The following MAP3K8 variants were observed in gnomAD, a reference collection of about 807,000 sequenced individuals.
MAP3K8 encodes the protein Ewing sarcoma transformant.
In MAP3K8, 22 loss-of-function variants were observed where a neutral mutation model predicts 45.8. The ratio of observed to expected loss-of-function variants is 0.48; its 90% CI spans 0.34 to 0.69. MAP3K8 has a LOEUF of 0.69. Ranked by LOEUF, MAP3K8 falls within the 30% of genes least tolerant of loss-of-function variation. The pLI, the probability that MAP3K8 is intolerant of heterozygous loss-of-function variation, is 0.01. For missense variants in MAP3K8, 419 were observed against 585.0 expected (o/e 0.72, Z 2.93); for synonymous variants, 223 against 214.3 (o/e 1.04, Z -0.36).
rs547632553 is a variant in MAP3K8 at position 30,458,271 on chromosome 10, G to GGC, written c.1026+36_1026+37insCG. 9.8e-5 allele frequency: 134 copies of GGC among 1,367,062 alleles called. 17 individuals carry two copies. The highest frequency in any genetic ancestry group is 3.8e-4 in the East Asian group (14 of 36,536). 84.7% of individuals were successfully genotyped at this position (1,367,062 alleles called of 1,614,324 possible). ...GTTCAACCAGGGCTGGGGGCGGCGG[G>GGC]GGGGGGCGTTGAGTTATGCATCCCG... On this transcript the variant is annotated intron_variant, in intron 7 of 8. Transcript: ENST00000263056.
chr10:30,438,248 A>G (rs939026786), intron 2 of MAP3K8, among the ~76,000 whole-genome samples: 3 of 152,200 alleles, frequency 2.0e-5, no homozygotes, highest in African/African-American at 4.8e-5. Flanking sequence ...GGTTAAATGT[A>G]TCATCATCTT....
At chr10:30,434,607 C>T in intron 1 of MAP3K8, 1 of 985,946 alleles carries the variant, frequency 1.0e-6, no homozygotes, top group Non-Finnish European at 1.2e-6. Context: ...CGCGACTCCT[C>T]CCCCTTCCTC....
At chr10:30,458,035 C>A (rs774835753) in intron 6 of MAP3K8, 49 bp from the exon 7 acceptor site, 2 of 1,387,640 alleles carry the variant, frequency 1.4e-6, no homozygotes, top group South Asian at 1.8e-5. Flanking sequence ...AAATGGAAAC[C>A]CACACAAAGG....
chr10:30,450,552 C>T, intron 5 of MAP3K8, 33 bp downstream of exon 5: 1 of 1,605,044 alleles, frequency 6.2e-7, no homozygotes. Context: ...CTTTTTGGCT[C>T]AAAGAGACTA....
chr10:30,446,758 C>G (rs1199422534), intron 3 of MAP3K8, among the ~76,000 whole-genome samples: 1 of 151,782 alleles, frequency 6.6e-6, no homozygotes, highest in East Asian at 1.9e-4. Flanking sequence ...TAATTTTTTC[C>G]TCTTTAAAAA....
intron 3 of MAP3K8, among the ~76,000 whole-genome samples, chr10:30,444,455 C>A (rs1264381384): frequency 2.0e-5 from 3 of 152,066 alleles, no homozygotes; most frequent in South Asian, 2.1e-4. Context: ...AAGAACGAAA[C>A]TCCATCACAA....
chr10:30,456,094 A>C (rs1254863940), intron 6 of MAP3K8, among the ~76,000 whole-genome samples: 1 of 152,202 alleles, frequency 6.6e-6, no homozygotes, highest in Non-Finnish European at 1.5e-5. Context: ...ACTCCGCCCA[A>C]TCCTTGCTTT....
intron 3 of MAP3K8, among the ~76,000 whole-genome samples, chr10:30,446,859 AT>A (rs1332365522): frequency 2.0e-5 from 3 of 152,138 alleles, no homozygotes; most frequent in Non-Finnish European, 4.4e-5. Context: ...TGAAACCCAC[AT>A]TGCTGTCAGA....
chr10:30,449,912 C>T (rs1350961863), intron 4 of MAP3K8, among the ~76,000 whole-genome samples: 1 of 152,180 alleles, frequency 6.6e-6, no homozygotes, highest in Admixed American at 6.5e-5. Flanking sequence ...ACAACCTAAA[C>T]TCAAGGTACC....
At chr10:30,459,535 T>A (rs772230434) in intron 8 of MAP3K8, 34 bp downstream of exon 8, 9 of 1,608,952 alleles carry the variant, frequency 5.6e-6, no homozygotes, top group Non-Finnish European at 5.9e-6. Flanking sequence ...GCACACTTAC[T>A]TCCCTTCTCT....
chr10:30,453,364 G>C (rs1434264722), intron 6 of MAP3K8, among the ~76,000 whole-genome samples: 1 of 151,846 alleles, frequency 6.6e-6, no homozygotes, highest in African/African-American at 2.4e-5. Context: ...TTGAGCCTAG[G>C]AATTCTATAA....
At chr10:30,435,655 C>T (rs8176958) in intron 1 of MAP3K8, among the ~76,000 whole-genome samples, 77 of 152,260 alleles carry the variant, frequency 5.1e-4, no homozygotes, top group African/African-American at 1.7e-3. Flanking sequence ...CGGGTTCAAG[C>T]GATTCTCTTG....
At chr10:30,446,730 T>C (rs1836354382) in intron 3 of MAP3K8, among the ~76,000 whole-genome samples, 1 of 152,062 alleles carries the variant, frequency 6.6e-6, no homozygotes, top group East Asian at 1.9e-4. Context: ...TTGTTTTAAT[T>C]TTAATTATTT....
intron 1 of MAP3K8, among the ~76,000 whole-genome samples, chr10:30,436,624 T>C (rs958838278): frequency 2.0e-5 from 3 of 151,050 alleles, no homozygotes; most frequent in Non-Finnish European, 2.9e-5. Context: ...TTTTAGAATC[T>C]CCAGTCCTCA....
Position 30,460,933 on chromosome 10 carries a change from T to C in MAP3K8, c.*97T>C. 2 of 1,467,322 alleles carry C rather than the reference T, an allele frequency of 1.4e-6. No individual in the cohort carries two copies. Among genetic ancestry groups the C allele is most frequent in the Non-Finnish European group, 1.8e-6 (2 of 1,098,036 alleles). The allele number at this position is 1,467,322 out of a possible 1,614,324, so 90.9% of individuals were successfully genotyped here. ...GGGCCCTGTACAGTGAATGGTGCCATTTTCGAAGGAGCAGTGTGACCTCCT... is the reference window on the plus strand; with the variant it reads ...GGGCCCTGTACAGTGAATGGTGCCACTTTCGAAGGAGCAGTGTGACCTCCT... On this transcript the variant is annotated 3_prime_UTR_variant, in exon 9 of 9. Transcript: ENST00000263056.
chr10:30,457,876 G>A (rs1429196961), intron 6 of MAP3K8, among the ~76,000 whole-genome samples: 1 of 152,118 alleles, frequency 6.6e-6, no homozygotes, highest in Non-Finnish European at 1.5e-5. Context: ...CCTCAGCTGG[G>A]ATTATAGGTG....
chr10:30,459,590 G>A (rs1269897925), intron 8 of MAP3K8, 89 bp downstream of exon 8: 4 of 1,459,766 alleles, frequency 2.7e-6, no homozygotes, highest in Non-Finnish European at 3.7e-6. Context: ...AAAGCACTTG[G>A]AAAAAAAGGA....
chr10:30,447,998 G>C (rs925497539), intron 4 of MAP3K8, 49 bp downstream of exon 4: 6 of 1,537,238 alleles, frequency 3.9e-6, no homozygotes, highest in Non-Finnish European at 5.3e-6. Flanking sequence ...TGGCATTCTG[G>C]CTTTTGTTTT....
chr10:30,459,832 C>G (rs971607315), intron 8 of MAP3K8, among the ~76,000 whole-genome samples: 1 of 151,854 alleles, frequency 6.6e-6, no homozygotes, highest in Non-Finnish European at 1.5e-5. Flanking sequence ...GTTGGTTCTT[C>G]TTAACTCACT....
Sources: gnomAD v4.1 joint callset for allele counts (sites outside exome capture counted in the v4.1 genomes callset) on GRCh38, gnomAD v4.1.1 for gene constraint, MANE v1.5 for transcripts, NCBI Gene and HGNC (gene_info 2026-07-23, HGNC 2026-07-21) for gene names.